Variants in VSTM2B observed in about 807,000 individuals in gnomAD.
VSTM2B encodes the protein V-set and transmembrane domain-containing protein 2B.
In VSTM2B, 24 loss-of-function variants were observed where a neutral mutation model predicts 24.0. The observed-to-expected ratio is 1.00, with a 90% CI of 0.72 to 1.40. The LOEUF is 1.40. Among genes scored for constraint, VSTM2B ranks in the 40% most tolerant of loss-of-function variants. The probability of loss-of-function intolerance (pLI) is 0.00; values close to 1 mark genes in which losing one functional copy is unlikely to be tolerated. For missense variants in VSTM2B, 399 were observed against 416.4 expected (o/e 0.96, Z 0.36); for synonymous variants, 226 against 194.4 (o/e 1.16, Z -1.35).
intron 1 of VSTM2B, 32 bp from the exon 2 acceptor site, chr19:29,527,179 G>T: frequency 6.5e-7 from 1 of 1,534,346 alleles, no homozygotes; most frequent in South Asian, 1.2e-5. Context: ...ACCTACAGCT[G>T]GTCACGCCTC....
At chr19:29,554,223 C>T (rs965135930) in intron 4 of VSTM2B, among the ~76,000 whole-genome samples, 1 of 152,180 alleles carries the variant, frequency 6.6e-6, no homozygotes, top group Non-Finnish European at 1.5e-5. Flanking sequence ...AATGGTGGAC[C>T]TCTTAGCAGA....
At chr19:29,541,656 T>C (rs894172477) in intron 4 of VSTM2B, among the ~76,000 whole-genome samples, 8 of 151,032 alleles carry the variant, frequency 5.3e-5, no homozygotes, top group Non-Finnish European at 1.5e-5. Flanking sequence ...GATGGGTACA[T>C]AGAAGGGAGA....
In VSTM2B at chr19:29,529,962, C is replaced by T. The variant is rs748881464; in HGVS notation, c.441C>T (p.Arg147=). 1.9e-6 allele frequency: 3 copies of T among 1,548,006 alleles called. No homozygotes were observed. The highest frequency in any genetic ancestry group is 2.6e-6 in the Non-Finnish European group (3 of 1,146,642). The change falls in exon 4 of 5, where the codon CGC becomes CGT. Residue 147 remains arginine (R), a synonymous_variant. Coordinates refer to ENST00000335523, the MANE Select transcript of VSTM2B (RefSeq NM_001146339.2). ...TQEHKAQAML[R]VLSRFAPPNM... The stretch of plus-strand genomic sequence containing the variant: ...AGCACAAGGCCCAGGCGATGCTGCG[C>T]GTGCTCTCGCGCTTCGCGCCGCCCA...
intron 4 of VSTM2B, among the ~76,000 whole-genome samples, chr19:29,555,888 A>G (rs184384562): frequency 6.6e-6 from 1 of 152,178 alleles, no homozygotes; most frequent in Non-Finnish European, 1.5e-5. Context: ...TAGACCAGTA[A>G]TAAGTTTTGA....
At chr19:29,557,077 C>A (rs1568447701) in intron 4 of VSTM2B, among the ~76,000 whole-genome samples, 1 of 152,114 alleles carries the variant, frequency 6.6e-6, no homozygotes, top group Admixed American at 6.6e-5. Flanking sequence ...ATAGCCAAGA[C>A]AATCCTAAGC....
At chr19:29,535,263 G>C (rs113874005) in intron 4 of VSTM2B, among the ~76,000 whole-genome samples, 1 of 152,196 alleles carries the variant, frequency 6.6e-6, no homozygotes, top group African/African-American at 2.4e-5. Flanking sequence ...ACCAAGCAGA[G>C]TATCTTCCAG....
chr19:29,563,444 T>A (rs868583752), intron 4 of VSTM2B, among the ~76,000 whole-genome samples: 31 of 152,136 alleles, frequency 2.0e-4, no homozygotes, highest in African/African-American at 7.5e-4. Flanking sequence ...GGTCTCACTA[T>A]GTTGCCCAGG....
chr19:29,557,856 T>C (rs1277073961), intron 4 of VSTM2B, among the ~76,000 whole-genome samples: 10 of 152,148 alleles, frequency 6.6e-5, no homozygotes. Flanking sequence ...AAATGGGATC[T>C]AATTAAACTA....
intron 4 of VSTM2B, among the ~76,000 whole-genome samples, chr19:29,558,867 TA>T (rs1970470772): frequency 6.6e-6 from 1 of 152,124 alleles, no homozygotes; most frequent in African/African-American, 2.4e-5. Context: ...ATACTTGAAA[TA>T]AAAATTTTTT....
chr19:29,544,293 G>A (rs1001146502), intron 4 of VSTM2B, among the ~76,000 whole-genome samples: 2 of 151,632 alleles, frequency 1.3e-5, no homozygotes, highest in South Asian at 2.1e-4. Flanking sequence ...TTGGGAGGCC[G>A]AGGCAGGCGG....
intron 4 of VSTM2B, among the ~76,000 whole-genome samples, chr19:29,546,223 G>C (rs1050810420): frequency 1.2e-4 from 19 of 152,214 alleles, no homozygotes; most frequent in African/African-American, 4.6e-4. Flanking sequence ...ATTCAGGAGA[G>C]CCTGGGTGCA....
At chr19:29,562,637 C>T (rs899658215) in intron 4 of VSTM2B, among the ~76,000 whole-genome samples, 7 of 152,318 alleles carry the variant, frequency 4.6e-5, no homozygotes, top group Non-Finnish European at 5.9e-5. Flanking sequence ...TGACGTCCCC[C>T]GGGGGTTTTG....
chr19:29,541,792 A>C (rs1284548094), intron 4 of VSTM2B, among the ~76,000 whole-genome samples: 1 of 150,766 alleles, frequency 6.6e-6, no homozygotes, highest in Non-Finnish European at 1.5e-5. Flanking sequence ...AGGAAGGATA[A>C]ATGAATGGGT....
rs762690161 is a variant in VSTM2B, at chr19:29,527,202, C to A, written c.83-9C>A. ...CTGGTCACGCCTCTCTCTCTCTCCC[C>A]ACCCCCAGCTGCATTCACAGAAGTC... On this transcript the variant is annotated splice_polypyrimidine_tract_variant and intron_variant, in intron 1 of 4. Transcript: ENST00000335523. 15 of 1,546,512 alleles carry A rather than the reference C, an allele frequency of 9.7e-6. No homozygotes were observed. In the South Asian group the frequency reaches 1.6e-4, roughly 16 times the overall value.
chr19:29,536,411 A>G (rs935865246), intron 4 of VSTM2B, among the ~76,000 whole-genome samples: 3 of 152,152 alleles, frequency 2.0e-5, no homozygotes, highest in Non-Finnish European at 4.4e-5. Context: ...CTCCTTCCCA[A>G]GGTTGGAGAA....
At chr19:29,554,190 T>C (rs1970354679) in intron 4 of VSTM2B, among the ~76,000 whole-genome samples, 1 of 152,158 alleles carries the variant, frequency 6.6e-6, no homozygotes, top group Non-Finnish European at 1.5e-5. Context: ...CCAGATCACC[T>C]ACAGAGGGAA....
chr19:29,540,382 G>C (rs17595436), intron 4 of VSTM2B, among the ~76,000 whole-genome samples: 8,865 of 152,346 alleles, frequency 0.058, 311 homozygotes, highest in Middle Eastern at 0.11. Flanking sequence ...TGGACTAGTA[G>C]TTGGGAAGAA....
At chr19:29,558,403 A>G (rs983118250) in intron 4 of VSTM2B, among the ~76,000 whole-genome samples, 3 of 152,204 alleles carry the variant, frequency 2.0e-5, no homozygotes, top group Admixed American at 6.5e-5. Context: ...ATAAAGATAC[A>G]TGCACACACG....
At chr19:29,552,591 G>A (rs1970311672) in intron 4 of VSTM2B, among the ~76,000 whole-genome samples, 1 of 152,220 alleles carries the variant, frequency 6.6e-6, no homozygotes. Context: ...TCCCTCATGA[G>A]CCCGTGCCAC....
Sources: gnomAD v4.1 joint callset for allele counts (sites outside exome capture counted in the v4.1 genomes callset) on GRCh38, gnomAD v4.1.1 for gene constraint, MANE v1.5 for transcripts, NCBI Gene and HGNC (gene_info 2026-07-23, HGNC 2026-07-21) for gene names.